Variants in ACYP2 observed in about 807,000 individuals in gnomAD.
The protein encoded by ACYP2 is acylphosphatase 2.
In ACYP2, 12 loss-of-function variants were observed where a neutral mutation model predicts 11.2. That is an observed-to-expected ratio of 1.08 (90% confidence interval 0.69 to 1.74). The LOEUF (loss-of-function observed/expected upper bound fraction) is 1.74. ACYP2 is among the 40% of genes most tolerant of loss of function. The pLI is 0.00. For missense variants in ACYP2, 134 were observed against 101.9 expected (o/e 1.31, Z -1.35); for synonymous variants, 43 against 32.2 (o/e 1.33, Z -1.13).
chr2:54,226,352 T>C (rs995553725), intron 6 of ACYP2, among the ~76,000 whole-genome samples: 17 of 152,344 alleles, frequency 1.1e-4, no homozygotes, highest in Admixed American at 1.0e-3. Flanking sequence ...AGGCTGCAGT[T>C]TCCTCTGACA....
chr2:54,170,569 T>G (rs994302576), intron 6 of ACYP2, among the ~76,000 whole-genome samples: 1 of 130,474 alleles, frequency 7.7e-6, no homozygotes, highest in Admixed American at 7.5e-5. Context: ...AAAACAGTTT[T>G]TTTTTTTTTT....
At chr2:54,211,934 C>G (rs1249550037) in intron 6 of ACYP2, among the ~76,000 whole-genome samples, 1 of 152,052 alleles carries the variant, frequency 6.6e-6, no homozygotes. Flanking sequence ...TTTTTTCTGA[C>G]TTATTTCTAG....
Position 54,011,951 on chromosome 2 carries a change from T to A in ACYP2, c.62+38141T>A, listed in dbSNP as rs1033703344. 3.3e-5 allele frequency among the ~76,000 whole-genome samples: 5 copies of A among 152,216 alleles called. No individual in the cohort carries two copies. The East Asian group carries it at 9.6e-4, about 29-fold the overall frequency. On this transcript the variant is annotated intron_variant, in intron 2 of 6. Coordinates refer to ENST00000607452, the MANE Select transcript of ACYP2 (RefSeq NM_001320586.2). Reference sequence around the variant, plus strand: ...GAACATTTCTGATTTAAAATACTCCTGGGGCCAGGTGAAGTGGCTCACACT... The same window carrying A: ...GAACATTTCTGATTTAAAATACTCCAGGGGCCAGGTGAAGTGGCTCACACT...
intron 4 of ACYP2, among the ~76,000 whole-genome samples, chr2:54,060,431 G>GT (rs918792928): frequency 6.6e-6 from 1 of 151,746 alleles, no homozygotes; most frequent in African/African-American, 2.4e-5. Flanking sequence ...TGGATATAAT[G>GT]TTTTTTGATC....
intron 4 of ACYP2, among the ~76,000 whole-genome samples, chr2:54,120,229 T>G (rs1680069538): frequency 6.6e-6 from 1 of 152,194 alleles, no homozygotes. Context: ...AGCTCCACGT[T>G]TTTTCCCCAT....
intron 6 of ACYP2, among the ~76,000 whole-genome samples, chr2:54,275,885 T>C (rs1688540035): frequency 1.3e-5 from 2 of 152,176 alleles, no homozygotes; most frequent in Admixed American, 6.5e-5. Context: ...TAATATTTAG[T>C]CAAAGTGCAA....
At chr2:54,218,398 T>A (rs1196180500) in intron 6 of ACYP2, among the ~76,000 whole-genome samples, 1 of 152,204 alleles carries the variant, frequency 6.6e-6, no homozygotes, top group Non-Finnish European at 1.5e-5. Flanking sequence ...CAATTCAACT[T>A]GTATTAATCA....
chr2:53,986,029 G>C (rs778969601), intron 2 of ACYP2, among the ~76,000 whole-genome samples: 1 of 152,186 alleles, frequency 6.6e-6, no homozygotes, highest in Middle Eastern at 3.4e-3. Context: ...CCAGCTCCTC[G>C]CAAGGCTGAG....
At chr2:53,979,471 A>T (rs908620736) in intron 2 of ACYP2, among the ~76,000 whole-genome samples, 1 of 151,620 alleles carries the variant, frequency 6.6e-6, no homozygotes, top group Non-Finnish European at 1.5e-5. Flanking sequence ...TACTAAAAAT[A>T]AAAAAATTAG....
At chr2:54,009,974 T>C (rs1266570649) in intron 2 of ACYP2, among the ~76,000 whole-genome samples, 3 of 152,128 alleles carry the variant, frequency 2.0e-5, no homozygotes, top group African/African-American at 7.2e-5. Context: ...GACCCTAAAA[T>C]CTGCAGCTTT....
intron 2 of ACYP2, among the ~76,000 whole-genome samples, chr2:53,990,073 G>A (rs1202203121): frequency 6.6e-6 from 1 of 150,750 alleles, no homozygotes; most frequent in Non-Finnish European, 1.5e-5. Context: ...CTACCTCCTG[G>A]GTTCAAGCAA....
At chr2:54,066,692 T>G (rs975419603) in intron 4 of ACYP2, among the ~76,000 whole-genome samples, 1 of 152,150 alleles carries the variant, frequency 6.6e-6, no homozygotes, top group Admixed American at 6.5e-5. Context: ...CTCTATTTAA[T>G]AGGGACAAAA....
At chr2:54,009,206 G>C (rs956157598) in intron 2 of ACYP2, among the ~76,000 whole-genome samples, 2 of 151,918 alleles carry the variant, frequency 1.3e-5, no homozygotes, top group African/African-American at 4.8e-5. Flanking sequence ...GGAAAGTAGG[G>C]GTGGTTTTGA....
At chr2:54,221,634 C>T (rs1297279112) in intron 6 of ACYP2, among the ~76,000 whole-genome samples, 1 of 151,512 alleles carries the variant, frequency 6.6e-6, no homozygotes, top group Admixed American at 6.6e-5. Flanking sequence ...GATTCTCCTG[C>T]CTCAGCCTCC....
intron 4 of ACYP2, among the ~76,000 whole-genome samples, chr2:54,120,834 A>T (rs1456795459): frequency 1.3e-5 from 2 of 152,116 alleles, no homozygotes; most frequent in Non-Finnish European, 2.9e-5. Flanking sequence ...TAACTTGGAG[A>T]TGCCAGCAAC....
chr2:54,160,864 G>A (rs977911659), intron 6 of ACYP2, among the ~76,000 whole-genome samples: 4 of 152,206 alleles, frequency 2.6e-5, no homozygotes, highest in African/African-American at 9.7e-5. Context: ...TGGAAGAAGG[G>A]AGATTGGAAT....
At chr2:54,065,709 G>C in intron 4 of ACYP2, 1 of 389,504 alleles carries the variant, frequency 2.6e-6, no homozygotes, top group Non-Finnish European at 4.5e-6. Flanking sequence ...ATGTTTAACA[G>C]GCTGTAGCCG....
At chr2:54,080,927 T>G (rs966782240) in intron 4 of ACYP2, among the ~76,000 whole-genome samples, 2 of 152,202 alleles carry the variant, frequency 1.3e-5, no homozygotes, top group African/African-American at 4.8e-5. Context: ...TGCCTGGCTG[T>G]TTTGTTTCTA....
At chr2:54,255,756 A>G (rs780100726) in intron 6 of ACYP2, 1 of 1,613,556 alleles carries the variant, frequency 6.2e-7, no homozygotes, top group Non-Finnish European at 8.5e-7. Context: ...TCCCTGCCCC[A>G]CAGGTTTCTA....
Sources: allele counts gnomAD v4.1 joint callset (sites outside exome capture counted in the v4.1 genomes callset), GRCh38; gene constraint gnomAD v4.1.1; transcripts MANE v1.5; gene names NCBI Gene and HGNC (gene_info 2026-07-23, HGNC 2026-07-21).